The following GRIP1 variants were observed in gnomAD, a reference collection of about 807,000 sequenced individuals.
GRIP1 encodes glutamate receptor-interacting protein 1.
Under a neutral mutation model 129.9 loss-of-function variants are expected in GRIP1, and 45 were observed. The observed-to-expected ratio is 0.35, with a 90% CI of 0.27 to 0.44. The LOEUF (loss-of-function observed/expected upper bound fraction) is 0.44. Among genes scored for constraint, GRIP1 ranks in the 20% least tolerant of loss-of-function variants. The pLI, the probability that GRIP1 is intolerant of heterozygous loss-of-function variation, is 1.00. For synonymous variants in GRIP1, 530 were observed against 520.8 expected (o/e 1.02, Z -0.24); for missense variants, 1,196 against 1,396.8 (o/e 0.86, Z 2.29).
chr12:66,353,976 C>T (rs11176152), intron 23 of GRIP1, among the ~76,000 whole-genome samples: 38,694 of 152,154 alleles, frequency 0.25, 6,279 homozygotes, highest in Middle Eastern at 0.38. Context: ...CTCCCCACTC[C>T]TGCCTGGTGC....
upstream of GRIP1, among the ~76,000 whole-genome samples, chr12:66,808,997 T>C (rs1233112585): frequency 1.3e-5 from 2 of 152,250 alleles, no homozygotes; most frequent in African/African-American, 4.8e-5. Flanking sequence ...AGCTAAATGT[T>C]CACTAAACTA....
intron 14 of GRIP1, 31 bp downstream of exon 14, chr12:66,432,517 A>C: frequency 7.5e-7 from 1 of 1,332,976 alleles, no homozygotes; most frequent in Non-Finnish European, 1.1e-6. Context: ...ATGCCTTTAA[A>C]AATTATTTAA....
chr12:66,557,418 C>T (rs910537731), intron 2 of GRIP1, among the ~76,000 whole-genome samples: 3 of 152,130 alleles, frequency 2.0e-5, no homozygotes, highest in African/African-American at 7.2e-5. Context: ...ATCATCCAGA[C>T]ATAAAATCAA....
intron 1 of GRIP1, among the ~76,000 whole-genome samples, chr12:66,695,207 C>T (rs1399244094): frequency 1.3e-5 from 2 of 151,864 alleles, no homozygotes; most frequent in South Asian, 2.1e-4. Context: ...AGGAGCCTTG[C>T]TCATAGGGGG....
At chr12:66,445,622 T>C (rs2058600788) in intron 11 of GRIP1, 114 bp from the exon 12 acceptor site, 1 of 676,882 alleles carries the variant, frequency 1.5e-6, no homozygotes, top group Non-Finnish European at 2.5e-6. Flanking sequence ...TGGTGGGAGG[T>C]TAAATTATGG....
At position 67,039,802 on chromosome 12, in the gene GRIP1, A is replaced by G. The variant is rs200057938; in HGVS notation, c.58+29248T>C. ...AGTTCTAGGCCTTCTTGAGTGCTCA[A>G]AACCTGATTTGTACTCCTGGTGACT... On this transcript the variant is annotated intron_variant, in intron 1 of 1. Transcript: ENST00000643019. 1.1e-4 allele frequency among the ~76,000 whole-genome samples: 17 copies of G among 152,258 alleles called. No individual in the cohort carries two copies. The East Asian group carries it at 3.1e-3, about 28-fold the overall frequency.
intron 5 of GRIP1, among the ~76,000 whole-genome samples, chr12:66,528,902 G>A (rs1455975715): frequency 6.6e-6 from 1 of 152,008 alleles, no homozygotes; most frequent in Non-Finnish European, 1.5e-5. Flanking sequence ...ATCCAACAAA[G>A]GACTAATATC....
intron 7 of GRIP1, among the ~76,000 whole-genome samples, chr12:66,514,769 G>A (rs986282860): frequency 6.6e-6 from 1 of 152,090 alleles, no homozygotes; most frequent in African/African-American, 2.4e-5. Flanking sequence ...TGTTATATAT[G>A]AGTCATACAG....
intron 2 of GRIP1, among the ~76,000 whole-genome samples, chr12:66,555,771 T>C (rs533222603): frequency 1.3e-5 from 2 of 152,066 alleles, no homozygotes; most frequent in East Asian, 1.9e-4. Flanking sequence ...AAACATGCAA[T>C]TGACGTACTA....
intron 1 of GRIP1, among the ~76,000 whole-genome samples, chr12:67,003,074 T>C (rs1178817642): frequency 6.6e-6 from 1 of 152,130 alleles, no homozygotes; most frequent in Non-Finnish European, 1.5e-5. Context: ...TGGCCTTCTT[T>C]CCTCCTGAGC....
chr12:66,508,549 A>G (rs1212927175), intron 7 of GRIP1, among the ~76,000 whole-genome samples: 3 of 152,178 alleles, frequency 2.0e-5, no homozygotes, highest in African/African-American at 7.2e-5. Context: ...AACAGGATGA[A>G]TGAGGGAGAT....
At chr12:66,896,494 A>C (rs1410483187) in intron 1 of GRIP1, among the ~76,000 whole-genome samples, 4 of 151,602 alleles carry the variant, frequency 2.6e-5, no homozygotes, top group Non-Finnish European at 4.4e-5. Flanking sequence ...AAAAAAAAAA[A>C]AACTTTGGTG....
At chr12:66,545,792 C>G (rs947852289) in intron 2 of GRIP1, among the ~76,000 whole-genome samples, 3 of 152,054 alleles carry the variant, frequency 2.0e-5, no homozygotes, top group African/African-American at 4.8e-5. Flanking sequence ...AGTTGTATAT[C>G]TATATAGTAG....
At chr12:66,743,279 A>G (rs958770988) in intron 1 of GRIP1, among the ~76,000 whole-genome samples, 3 of 152,110 alleles carry the variant, frequency 2.0e-5, no homozygotes, top group Non-Finnish European at 4.4e-5. Context: ...ATGTTGGGGT[A>G]GAAACAATGC....
chr12:66,454,334 G>T (rs2058890874), intron 11 of GRIP1, among the ~76,000 whole-genome samples: 1 of 152,138 alleles, frequency 6.6e-6, no homozygotes, highest in South Asian at 2.1e-4. Flanking sequence ...GTAACTTAAG[G>T]ATGTTCCTTA....
intron 1 of GRIP1, among the ~76,000 whole-genome samples, chr12:66,780,225 G>A (rs528697071): frequency 1.2e-4 from 18 of 152,308 alleles, no homozygotes; most frequent in Non-Finnish European, 2.1e-4. Flanking sequence ...AGAAGAGCAG[G>A]AATCAGTGTT....
intron 1 of GRIP1, among the ~76,000 whole-genome samples, chr12:66,990,977 CAAA>C (rs373022223): frequency 8.8e-5 from 9 of 102,596 alleles, no homozygotes; most frequent in Admixed American, 4.4e-4. Flanking sequence ...AACTCCGTCG[CAAA>C]AAAAAAAAAA....
At chr12:66,643,885 G>A (rs997498211) in intron 1 of GRIP1, among the ~76,000 whole-genome samples, 3 of 152,022 alleles carry the variant, frequency 2.0e-5, no homozygotes, top group Non-Finnish European at 2.9e-5. Context: ...TTATCCTTAC[G>A]TATTTTCTGA....
chr12:66,619,601 C>T (rs571851440), intron 1 of GRIP1, among the ~76,000 whole-genome samples: 113 of 152,180 alleles, frequency 7.4e-4, no homozygotes, highest in African/African-American at 2.7e-3. Flanking sequence ...CATACATGAA[C>T]ATGGAAATAA....
Sources: gnomAD v4.1 joint callset for allele counts (sites outside exome capture counted in the v4.1 genomes callset) on GRCh38, gnomAD v4.1.1 for gene constraint, MANE v1.5 for transcripts, NCBI Gene and HGNC (gene_info 2026-07-23, HGNC 2026-07-21) for gene names.